PADI4: variants seen among roughly 807,000 people sequenced by gnomAD.
PADI4 encodes the protein peptidyl arginine deiminase 4, also known as protein-arginine deiminase type-4.
A neutral mutation model predicts 75.0 loss-of-function variants in PADI4; 62 were observed. The ratio of observed to expected loss-of-function variants is 0.83; its 90% CI spans 0.67 to 1.02. The LOEUF is 1.02. PADI4 is among the 50% of genes least tolerant of loss of function. PADI4 has a pLI of 0.00. For missense variants in PADI4, 845 were observed against 850.5 expected (o/e 0.99, Z 0.08); for synonymous variants, 361 against 348.1 (o/e 1.04, Z -0.41).
At position 17,351,201 on chromosome 1, in the gene PADI4, GAA is replaced by G. The variant is rs61284318; in HGVS notation, c.1155+3171_1155+3172del. 7.9e-3 allele frequency among the ~76,000 whole-genome samples: 607 copies of G among 76,788 alleles called. 11 individuals are homozygous for G. The highest frequency in any genetic ancestry group is 0.031 in the East Asian group (60 of 1,944). 50.4% of individuals were successfully genotyped at this position (76,788 alleles called of 152,430 possible). ...TGACAGATGAGACCTTGTCCCAGAGGAAAAAAAAAAAAAAAAAAAGAGCTACA... is the reference window on the plus strand; with the variant it reads ...TGACAGATGAGACCTTGTCCCAGAGGAAAAAAAAAAAAAAAAAGAGCTACA... On this transcript the variant is annotated intron_variant, in intron 10 of 15. Transcript: ENST00000375448.
intron 10 of PADI4, among the ~76,000 whole-genome samples, chr1:17,352,333 G>A (rs1478980719): frequency 3.9e-5 from 6 of 152,044 alleles, no homozygotes; most frequent in East Asian, 1.9e-4. Flanking sequence ...CGGGATGACC[G>A]GATGGGGTTG....
In PADI4 at chr1:17,340,022, T is replaced by G. The variant is rs112960088; in HGVS notation, c.652+209T>G. Among the ~76,000 whole-genome samples the G allele has an allele frequency of 6.2e-5, 9 of 145,618 alleles. 3 individuals are homozygous for G. Among genetic ancestry groups the G allele is most frequent in the African/African-American group, 2.3e-4 (9 of 39,092 alleles). ...AAATGACTCGTTATTGCTCCCTGCT[T>G]TTCTTTCTCTCTCTCTCACACACGC... On this transcript the variant is annotated intron_variant, in intron 6 of 15. Transcript: ENST00000375448.
In PADI4 at chr1:17,363,555, A is replaced by C. The variant is rs769303417; in HGVS notation, c.1792A>C (p.Ile598Leu). 4.3e-6 allele frequency: 7 copies of C among 1,613,660 alleles called. No individual in the cohort carries two copies. In the African/African-American group the frequency reaches 8.0e-5, roughly 18 times the overall value. ...GCTGGTGCTAGGGAAGCACCTGGGC[A>C]TCCCCAAGCCCTTCGGGCCCGTCAT... ...NMLVLGKHLGIPKPFGPVING... is the reference protein window; with the variant it reads ...NMLVLGKHLGLPKPFGPVING... Residue 598 changes from isoleucine to leucine, a missense_variant, in exon 16 of 16, where the codon ATC becomes CTC. Coordinates refer to ENST00000375448, the MANE Select transcript of PADI4 (RefSeq NM_012387.3).
In PADI4 at chr1:17,338,152, G is replaced by A. The variant is rs370710302; in HGVS notation, c.523G>A (p.Glu175Lys). 4.8e-5 allele frequency: 76 copies of A among 1,594,672 alleles called. No homozygotes were observed. The highest frequency in any genetic ancestry group is 6.0e-5 in the Non-Finnish European group (70 of 1,162,824). The change falls in exon 5 of 16, where the codon GAA becomes AAA. Residue 175 changes from glutamate (E) to lysine (K), a missense_variant. Coordinates refer to ENST00000375448, the MANE Select transcript of PADI4 (RefSeq NM_012387.3). ...CGAGGATGATGAAGTGCTTGACAGC[G>A]AAGGTAAAGAGCATTTGCTAGCTAA... ...DCEDDEVLDSEDLQDMSLMTL... is the reference protein window; with the variant it reads ...DCEDDEVLDSKDLQDMSLMTL...
At chr1:17,362,403 T>C (rs74368591) in intron 15 of PADI4, among the ~76,000 whole-genome samples, 5,672 of 149,092 alleles carry the variant, frequency 0.038, 357 homozygotes, top group African/African-American at 0.13. Flanking sequence ...AGCAACCTGA[T>C]GGAGCTGGAG....
intron 2 of PADI4, 82 bp from the exon 3 acceptor site, chr1:17,333,861 C>G: frequency 1.9e-6 from 2 of 1,068,066 alleles, no homozygotes; most frequent in East Asian, 2.4e-5. Context: ...AGTGCCCTAC[C>G]CTGAGCCGGC....
Position 17,359,422 on chromosome 1 carries a change from G to A in PADI4, c.1758+14G>A, listed in dbSNP as rs11203372. 3.7e-3 allele frequency: 6,047 copies of A among 1,613,892 alleles called. 196 individuals are homozygous for A. The African/African-American group carries it at 0.066, about 18-fold the overall frequency. On this transcript the variant is annotated intron_variant, in intron 15 of 15. Coordinates refer to ENST00000375448, the MANE Select transcript of PADI4 (RefSeq NM_012387.3). ...TTCCCCAACATGGTGAGGAGGTGGC[G>A]GCTTTAAAACCCCAGGGTGTGGCAT...
chr1:17,338,809 G>A (rs74702744), intron 5 of PADI4, among the ~76,000 whole-genome samples: 1,815 of 152,270 alleles, frequency 0.012, 40 homozygotes, highest in African/African-American at 0.041. Context: ...ATCCACCTGC[G>A]CTGGAGGAAG....
chr1:17,356,160 G>A lies in PADI4; in HGVS notation c.1455+33G>A. On this transcript the variant is annotated intron_variant, in intron 12 of 15. Coordinates refer to ENST00000375448, the MANE Select transcript of PADI4 (RefSeq NM_012387.3). This position sits in a 1 kb window ranked among gnomAD's most constrained non-coding sequence, Gnocchi z 4.1. ...CTTGGGGGCTGCCTCAGGAAGCCATGCCTCCTTCCTGGGTAGACCCTCTGC... is the reference window on the plus strand; with the variant it reads ...CTTGGGGGCTGCCTCAGGAAGCCATACCTCCTTCCTGGGTAGACCCTCTGC... 1 of 1,607,466 alleles carries A rather than the reference G, an allele frequency of 6.2e-7. No homozygotes were observed. The highest frequency in any genetic ancestry group is 8.5e-7 in the Non-Finnish European group (1 of 1,174,822).
chr1:17,311,576 G>C (rs1460412902), intron 1 of PADI4, among the ~76,000 whole-genome samples: 1 of 151,308 alleles, frequency 6.6e-6, no homozygotes, highest in Non-Finnish European at 1.5e-5. Flanking sequence ...CCAGGCTGGA[G>C]TGCAGTGGCA....
chr1:17,311,994 G>T (rs1389701231), intron 1 of PADI4, among the ~76,000 whole-genome samples: 2 of 152,118 alleles, frequency 1.3e-5, no homozygotes, highest in African/African-American at 2.4e-5. Flanking sequence ...TGGCAGAGGG[G>T]TCCCCTTTCC....
chr1:17,340,184 A>T (rs901206321), intron 6 of PADI4, among the ~76,000 whole-genome samples: 2 of 152,100 alleles, frequency 1.3e-5, no homozygotes, highest in African/African-American at 4.8e-5. Context: ...TCAGTGACCC[A>T]CGAGCACCTG....
chr1:17,360,666 G>A (rs1612843), intron 15 of PADI4, among the ~76,000 whole-genome samples: 2 of 151,956 alleles, frequency 1.3e-5, no homozygotes, highest in East Asian at 3.9e-4. Context: ...GCCTTCCCAC[G>A]TAGCACCTTC....
In PADI4 at chr1:17,329,037, A is replaced by G. The variant is rs1371759660; in HGVS notation, c.93-1932A>G. Among the ~76,000 whole-genome samples the G allele has an allele frequency of 7.0e-5, 10 of 142,750 alleles. No individual in the cohort carries two copies. The East Asian group carries it at 1.2e-3, about 17-fold the overall frequency. 93.6% of individuals were successfully genotyped at this position (142,750 alleles called of 152,430 possible). ...AAGATATCTTAATATAATAAATTAT[A>G]TTAAGATATAATTTATTAATAAAAT... On this transcript the variant is annotated intron_variant, in intron 1 of 15. Transcript: ENST00000375448.
chr1:17,344,313 C>T (rs1364657661), intron 8 of PADI4, among the ~76,000 whole-genome samples: 3 of 152,082 alleles, frequency 2.0e-5, no homozygotes, highest in Non-Finnish European at 4.4e-5. Context: ...TTAAAGGCAT[C>T]CAGTTTTAAA....
intron 3 of PADI4, chr1:17,334,216 G>A (rs2074268503): frequency 1.7e-6 from 1 of 573,998 alleles, no homozygotes. Context: ...ATGTGGCAGT[G>A]GTGGTGCGGG....
At chr1:17,333,869 G>T in intron 2 of PADI4, 74 bp from the exon 3 acceptor site, 1 of 1,160,768 alleles carries the variant, frequency 8.6e-7, no homozygotes, top group South Asian at 1.2e-5. Flanking sequence ...ACCCTGAGCC[G>T]GCACATAGGA....
chr1:17,317,719 C>A (rs564679562), intron 1 of PADI4, among the ~76,000 whole-genome samples: 5 of 152,058 alleles, frequency 3.3e-5, no homozygotes, highest in Non-Finnish European at 7.3e-5. Flanking sequence ...ATCTGGAGAG[C>A]GTGTTAAAAC....
intron 9 of PADI4, among the ~76,000 whole-genome samples, chr1:17,347,189 A>C (rs1272382690): frequency 1.3e-5 from 2 of 152,132 alleles, no homozygotes; most frequent in African/African-American, 4.8e-5. Context: ...CACCCACCTC[A>C]GCCTCCCAAA....
Sources: allele counts gnomAD v4.1 joint callset (sites outside exome capture counted in the v4.1 genomes callset), GRCh38; gene constraint gnomAD v4.1.1; non-coding constraint Gnocchi (gnomAD v3.1); transcripts MANE v1.5; gene names NCBI Gene and HGNC (gene_info 2026-07-23, HGNC 2026-07-21).